Variants in NR1H3 observed in about 807,000 individuals in gnomAD.
The protein encoded by NR1H3 is nuclear receptor subfamily 1 group H member 3, also known as oxysterols receptor LXR-alpha.
A neutral mutation model predicts 48.1 loss-of-function variants in NR1H3; 19 were observed. The observed-to-expected ratio is 0.40, with a 90% CI of 0.28 to 0.58. The LOEUF (loss-of-function observed/expected upper bound fraction) is 0.58. Among genes scored for constraint, NR1H3 ranks in the 20% least tolerant of loss-of-function variants. NR1H3 has a pLI of 0.50. For synonymous variants in NR1H3, 232 were observed against 227.3 expected (o/e 1.02, Z -0.19); for missense variants, 486 against 595.9 (o/e 0.82, Z 1.92).
intron 7 of NR1H3, among the ~76,000 whole-genome samples, chr11:47,267,240 G>A (rs1263435772): frequency 2.0e-5 from 3 of 152,044 alleles, no homozygotes; most frequent in East Asian, 1.9e-4. Flanking sequence ...CCGGGAGGTC[G>A]AGGCTGCAGT....
upstream of NR1H3, among the ~76,000 whole-genome samples, chr11:47,255,611 CTCTCTCTTTCTTTCTTTCTT>C (rs1236709521): frequency 9.6e-4 from 118 of 122,934 alleles, 1 homozygote; most frequent in South Asian, 7.1e-3. Flanking sequence ...CTCTCTCTCT[CTCTCTCTTTCTTTCTTTCTT>C]TCTTTCTTTC....
chr11:47,255,577 CTTTCTTTCTTTCTTTCTT>C (rs1173458009), upstream of NR1H3, among the ~76,000 whole-genome samples: 82 of 88,376 alleles, frequency 9.3e-4, no homozygotes, highest in African/African-American at 3.7e-3. Flanking sequence ...TTCTTTCTTT[CTTTCTTTCTTTCTTTCTT>C]TCTCTCTCTC....
rs1390130886 is a variant in NR1H3, at chr11:47,260,721, G to C, written c.499+46G>C. On this transcript the variant is annotated intron_variant, in intron 4 of 9. Transcript: ENST00000441012. ...TGGGGAAGAGGCTGAGGGGAAAGAG[G>C]GGGCCAGGGTGTGACCCAAAACAGG... 20 of 1,544,192 alleles carry C rather than the reference G, an allele frequency of 1.3e-5. No homozygotes were observed. The East Asian group carries it at 4.7e-4, about 36-fold the overall frequency.
upstream of NR1H3, chr11:47,248,882 A>G (rs1954356206): frequency 1.3e-6 from 2 of 1,548,846 alleles, no homozygotes; most frequent in Non-Finnish European, 1.7e-6. Flanking sequence ...CACACGCCGG[A>G]AGTGCGTTCG....
chr11:47,260,376 G>T, intron 3 of NR1H3, 33 bp from the exon 4 acceptor site: 1 of 1,582,336 alleles, frequency 6.3e-7, no homozygotes, highest in South Asian at 1.2e-5. Flanking sequence ...TTTTTCCTCG[G>T]GGGAGAGCGT....
chr11:47,261,441 C>T lies in NR1H3; in HGVS notation c.700C>T (p.Arg234Ter), dbSNP rs1274770967. ...CNRRSFSDRLRVTPWPMAPDP... is the reference protein window; with the variant it reads ...CNRRSFSDRL ...CCGGCGCTCCTTTTCTGACCGGCTT[C>T]GAGTCACGGTACTTGACACACCTGG... The change falls in exon 5 of 10, where the codon CGA becomes TGA. Residue 234 changes from arginine to a stop codon, truncating the protein, a stop_gained. Coordinates refer to ENST00000441012, the MANE Select transcript of NR1H3 (RefSeq NM_005693.4). LOFTEE classifies it high-confidence loss of function. 35 of 1,613,936 alleles carry T rather than the reference C, an allele frequency of 2.2e-5. No individual in the cohort carries two copies. Among genetic ancestry groups the T allele is most frequent in the Admixed American group, 1.8e-4 (11 of 59,968 alleles).
Position 47,268,365 on chromosome 11 carries a change from C to T in NR1H3, c.1197+10C>T. On this transcript the variant is annotated intron_variant, in intron 9 of 9. Coordinates refer to ENST00000441012, the MANE Select transcript of NR1H3 (RefSeq NM_005693.4). Reference sequence around the variant, plus strand: ...CATCCACCATCCCCATGTGAGTCTCCCCATGGTGTTCCTTTTCCTCCTTCC... The same window carrying T: ...CATCCACCATCCCCATGTGAGTCTCTCCATGGTGTTCCTTTTCCTCCTTCC... The T allele has an allele frequency of 6.2e-7, 1 of 1,613,146 alleles. No individual in the cohort carries two copies. Among genetic ancestry groups the T allele is most frequent in the South Asian group, 1.1e-5 (1 of 91,058 alleles).
At chr11:47,263,582 A>G (rs1305827032) in intron 7 of NR1H3, among the ~76,000 whole-genome samples, 2 of 127,488 alleles carry the variant, frequency 1.6e-5, no homozygotes, top group African/African-American at 3.0e-5. Flanking sequence ...AGCCTCCCCT[A>G]CTCTTTTTCT....
rs1422356445 is a variant in NR1H3, at chr11:47,259,954, G to A, written c.207G>A (p.Arg69=). 1.9e-6 allele frequency: 3 copies of A among 1,557,836 alleles called. No homozygotes were observed. The highest frequency in any genetic ancestry group is 2.3e-5 in the East Asian group (1 of 44,160). Residue 69 remains arginine (R), a synonymous_variant, in exon 3 of 10, where the codon AGG becomes AGA. Transcript: ENST00000441012. Reference sequence around the variant, plus strand: ...CAGAGCCCACAGCCCTGCTCACCAGGGCAGAGCCCCCTTCAGAACCCACAG... The same window carrying A: ...CAGAGCCCACAGCCCTGCTCACCAGAGCAGAGCCCCCTTCAGAACCCACAG... ...EAAEPTALLT[R]AEPPSEPTEI...
At chr11:47,267,554 G>C (rs1292893890) in intron 7 of NR1H3, among the ~76,000 whole-genome samples, 1 of 151,652 alleles carries the variant, frequency 6.6e-6, no homozygotes, top group Non-Finnish European at 1.5e-5. Flanking sequence ...TATCGCCCAG[G>C]CTGGAGTGCA....
intron 2 of NR1H3, 37 bp downstream of exon 2, chr11:47,259,296 C>CCT: frequency 6.2e-7 from 1 of 1,614,040 alleles, no homozygotes; most frequent in Non-Finnish European, 8.5e-7. Flanking sequence ...TGAGCCCAGA[C>CCT]CGCAGGCTCC....
In NR1H3 at chr11:47,259,186, G is replaced by T; in HGVS notation, c.-31G>T. ...ATCTGGGTCCTTCCTGCAGGACAGT[G>T]CCTTGGTAATGACCAGGGCTCCAGG... On this transcript the variant is annotated 5_prime_UTR_variant, in exon 2 of 10. Transcript: ENST00000441012. The T allele has an allele frequency of 6.2e-7, 1 of 1,614,170 alleles. No individual in the cohort carries two copies. Among genetic ancestry groups the T allele is most frequent in the African/African-American group, 1.3e-5 (1 of 75,038 alleles).
At chr11:47,263,586 TTTTTCTTTTTTTTTC>T (rs1956146941) in intron 7 of NR1H3, among the ~76,000 whole-genome samples, 1 of 149,812 alleles carries the variant, frequency 6.7e-6, no homozygotes, top group African/African-American at 2.5e-5. Context: ...TCCCCTACTC[TTTTTCTTTTTTTTTC>T]TTTTCTTTTT....
upstream of NR1H3, among the ~76,000 whole-genome samples, chr11:47,255,595 T>TTCTTTCTCTC (rs1565178673): frequency 4.9e-4 from 30 of 61,392 alleles, no homozygotes; most frequent in African/African-American, 1.8e-3. Context: ...CTTTCTTTCT[T>TTCTTTCTCTC]TCTCTCTCTC....
intron 1 of NR1H3, chr11:47,258,957 C>A: frequency 1.4e-6 from 1 of 708,920 alleles, no homozygotes; most frequent in South Asian, 2.2e-5. Flanking sequence ...GAGAGGATCA[C>A]TTGAGCCCAG....
chr11:47,259,610 A>G (rs1272466408), intron 2 of NR1H3, 181 bp from the exon 3 acceptor site: 6 of 1,453,116 alleles, frequency 4.1e-6, no homozygotes, highest in Non-Finnish European at 4.5e-6. Context: ...CTGAGATGTA[A>G]GAAACTACAA....
upstream of NR1H3, chr11:47,248,868 A>C (rs960641349): frequency 6.4e-7 from 1 of 1,550,748 alleles, no homozygotes; most frequent in Non-Finnish European, 8.7e-7. Flanking sequence ...CGCACCCGTA[A>C]GGACACACGC....
At chr11:47,263,496 G>A (rs1039522347) in intron 7 of NR1H3, among the ~76,000 whole-genome samples, 2 of 151,022 alleles carry the variant, frequency 1.3e-5, no homozygotes, top group Non-Finnish European at 2.9e-5. Flanking sequence ...AAATGGTCTC[G>A]AACTCCTGAG....
chr11:47,249,298 A>G (rs779846735), intron 1 of NR1H3, among the ~76,000 whole-genome samples: 4 of 152,132 alleles, frequency 2.6e-5, no homozygotes, highest in African/African-American at 7.2e-5. Context: ...TGCAGGACAC[A>G]GTATGTAAAC....
Sources: allele counts gnomAD v4.1 joint callset (sites outside exome capture counted in the v4.1 genomes callset), GRCh38; gene constraint gnomAD v4.1.1; transcripts MANE v1.5; gene names NCBI Gene and HGNC (gene_info 2026-07-23, HGNC 2026-07-21).